Variants in SLC17A3 observed in about 807,000 individuals in gnomAD.
SLC17A3 encodes solute carrier family 17 member 3, also known as sodium-dependent phosphate transport protein 4.
A neutral mutation model predicts 60.3 loss-of-function variants in SLC17A3; 61 were observed. The observed-to-expected ratio is 1.01, with a 90% CI of 0.82 to 1.25. The LOEUF is 1.25. SLC17A3 is among the 50% of genes most tolerant of loss of function. SLC17A3 has a pLI of 0.00. For missense variants in SLC17A3, 624 were observed against 594.9 expected, an observed-to-expected ratio of 1.05 and a Z score of -0.51; for synonymous variants, 192 against 208.9, an observed-to-expected ratio of 0.92 and a Z score of 0.70.
At chr6:25,858,591 A>G (rs1765397419) in intron 5 of SLC17A3, among the ~76,000 whole-genome samples, 1 of 151,858 alleles carries the variant, frequency 6.6e-6, no homozygotes, top group Admixed American at 6.6e-5. Flanking sequence ...CCTCACAGCT[A>G]TTCCCTTGAT....
intron 6 of SLC17A3, among the ~76,000 whole-genome samples, chr6:25,854,755 C>A (rs535091002): frequency 8.8e-4 from 134 of 152,164 alleles, no homozygotes; most frequent in African/African-American, 3.0e-3. Flanking sequence ...ACTCAGGATG[C>A]CTTGCTCCTG....
Position 25,850,855 on chromosome 6 carries a change from G to T in SLC17A3, c.735C>A (p.Cys245Ter), listed in dbSNP as rs776333179. The stretch of plus-strand genomic sequence containing the variant: ...CATAAATCACAACAAACCAGAGAAG[G>T]CAGCAGACACAGCCAACACCTCCTG... ...YIFGGVGCVC[C>*]LLWFVVIYDD... The change falls in exon 7 of 13, where the codon TGC becomes TGA. Residue 245 changes from cysteine (C) to a stop codon, truncating the protein, a stop_gained. Coordinates refer to ENST00000397060, the MANE Select transcript of SLC17A3 (RefSeq NM_001098486.2). LOFTEE classifies it high-confidence loss of function. 6.2e-7 allele frequency: 1 copy of T among 1,614,026 alleles called. No homozygotes were observed. The highest frequency in any genetic ancestry group is 1.1e-5 in the South Asian group (1 of 91,078).
At chr6:25,864,912 A>G (rs1312943218) in intron 2 of SLC17A3, among the ~76,000 whole-genome samples, 1 of 151,964 alleles carries the variant, frequency 6.6e-6, no homozygotes, top group East Asian at 1.9e-4. Flanking sequence ...TGGGGGAGGA[A>G]CAAACAAAGG....
chr6:25,868,088 T>A (rs1347004672), intron 2 of SLC17A3, among the ~76,000 whole-genome samples: 1 of 151,978 alleles, frequency 6.6e-6, no homozygotes, highest in African/African-American at 2.4e-5. Flanking sequence ...AAAGATTGGA[T>A]AGATACAGAT....
chr6:25,863,258 A>G (rs1765481798), intron 2 of SLC17A3, among the ~76,000 whole-genome samples: 2 of 152,140 alleles, frequency 1.3e-5, no homozygotes, highest in Admixed American at 6.6e-5. Flanking sequence ...GGAAAGAATC[A>G]GATGAGATTG....
chr6:25,860,271 AT>A (rs1316628402), intron 5 of SLC17A3, among the ~76,000 whole-genome samples: 3 of 151,260 alleles, frequency 2.0e-5, no homozygotes, highest in African/African-American at 7.3e-5. Context: ...CCTATCTACA[AT>A]AGGTGCACCT....
chr6:25,850,858 G>A lies in SLC17A3; in HGVS notation c.732C>T (p.Cys244=). The change falls in exon 7 of 13, where the codon TGC becomes TGT. Residue 244 remains cysteine, a synonymous_variant. Coordinates refer to ENST00000397060, the MANE Select transcript of SLC17A3 (RefSeq NM_001098486.2). The stretch of plus-strand genomic sequence containing the variant: ...AAATCACAACAAACCAGAGAAGGCA[G>A]CAGACACAGCCAACACCTCCTGTAA... The part of the protein sequence containing the change: ...FYIFGGVGCV[C]CLLWFVVIYD... 6.2e-7 allele frequency: 1 copy of A among 1,614,040 alleles called. No individual in the cohort carries two copies. Among genetic ancestry groups the A allele is most frequent in the Non-Finnish European group, 8.5e-7 (1 of 1,179,918 alleles).
Position 25,845,408 on chromosome 6 carries a change from T to C in SLC17A3, c.1471A>G (p.Lys491Glu). The C allele has an allele frequency of 6.2e-7, 1 of 1,614,064 alleles. No homozygotes were observed. The highest frequency in any genetic ancestry group is 8.5e-7 in the Non-Finnish European group (1 of 1,179,958). The change falls in exon 12 of 13, where the codon AAA (lysine) becomes GAA (glutamate). Residue 491 changes from lysine (K) to glutamate (E), a missense_variant. Transcript: ENST00000397060. ...FGEADVQEWA[K>E]ERKLTRL ...CATAAACGAGTGAGTTTTCTCTCTT[T>C]AGCCCATTCTTGGACATCTGCTTCT... is the stretch of plus-strand genomic sequence containing the variant.
intron 1 of SLC17A3, among the ~76,000 whole-genome samples, chr6:25,870,729 C>T (rs1765627783): frequency 6.6e-6 from 1 of 152,024 alleles, no homozygotes; most frequent in East Asian, 1.9e-4. Flanking sequence ...ACAACATGGA[C>T]TCATGACTGC....
At chr6:25,864,117 T>C (rs1452175673) in intron 2 of SLC17A3, among the ~76,000 whole-genome samples, 1 of 151,986 alleles carries the variant, frequency 6.6e-6, no homozygotes, top group African/African-American at 2.4e-5. Flanking sequence ...GGAACACCCC[T>C]GGAGCTGGTT....
intron 2 of SLC17A3, among the ~76,000 whole-genome samples, chr6:25,865,269 T>C (rs1765516517): frequency 6.6e-6 from 1 of 151,922 alleles, no homozygotes; most frequent in East Asian, 1.9e-4. Context: ...CACCCAGCTG[T>C]AGGGTTTATG....
At chr6:25,851,858 AG>A (rs890155396) in intron 6 of SLC17A3, among the ~76,000 whole-genome samples, 1 of 152,134 alleles carries the variant, frequency 6.6e-6, no homozygotes, top group African/African-American at 2.4e-5. Context: ...TTATTTTCAA[AG>A]GTGTTTGGCT....
intron 1 of SLC17A3, among the ~76,000 whole-genome samples, chr6:25,871,312 A>G (rs1765636520): frequency 6.6e-6 from 1 of 152,034 alleles, no homozygotes; most frequent in Non-Finnish European, 1.5e-5. Flanking sequence ...TGCAGCCATA[A>G]AAAATGATGA....
intron 1 of SLC17A3, among the ~76,000 whole-genome samples, chr6:25,870,053 A>G (rs561081645): frequency 2.6e-4 from 39 of 152,082 alleles, no homozygotes; most frequent in Admixed American, 1.9e-3. Context: ...GTTTTTTGAC[A>G]TTACAAATAA....
rs549907646 is a variant in SLC17A3, at chr6:25,868,402, C to T, written c.-15G>A. 1.4e-5 allele frequency: 22 copies of T among 1,605,042 alleles called. No homozygotes were observed. Among genetic ancestry groups the T allele is most frequent in the Middle Eastern group, 3.3e-4 (2 of 6,020 alleles). On this transcript the variant is annotated 5_prime_UTR_variant, in exon 2 of 13. Coordinates refer to ENST00000397060, the MANE Select transcript of SLC17A3 (RefSeq NM_001098486.2). ...TTGGTGGCCATTGTGTTTCTCCTCT[C>T]CTAGTGAATGGTTTTCACCTATCAG...
intron 2 of SLC17A3, among the ~76,000 whole-genome samples, chr6:25,868,060 A>G (rs562241657): frequency 6.6e-6 from 1 of 152,030 alleles, no homozygotes; most frequent in Non-Finnish European, 1.5e-5. Flanking sequence ...ACAATTCAGT[A>G]GCAATTATCA....
intron 11 of SLC17A3, among the ~76,000 whole-genome samples, chr6:25,847,443 G>A (rs1450032927): frequency 6.6e-6 from 1 of 152,168 alleles, no homozygotes; most frequent in East Asian, 1.9e-4. Context: ...TGGAATTGCT[G>A]CGTAGAATGG....
intron 8 of SLC17A3, 88 bp downstream of exon 8, chr6:25,850,371 T>A: frequency 6.9e-7 from 1 of 1,453,902 alleles, no homozygotes; most frequent in Non-Finnish European, 9.6e-7. Context: ...TAATAAGAAA[T>A]ACATTTCTCA....
At position 25,846,994 on chromosome 6, in the gene SLC17A3, G is replaced by A. The variant is rs555806925; in HGVS notation, c.1363-1478C>T. 3.9e-5 allele frequency among the ~76,000 whole-genome samples: 6 copies of A among 152,232 alleles called. No homozygotes were observed. The South Asian group carries it at 1.0e-3, about 26-fold the overall frequency. On this transcript the variant is annotated intron_variant, in intron 11 of 12. Transcript: ENST00000397060. Reference sequence around the variant, plus strand: ...ATATAGGTAAACTCATGTAATGGGAGTTTGTTGTACAGATATTTCATCACC... The same window carrying A: ...ATATAGGTAAACTCATGTAATGGGAATTTGTTGTACAGATATTTCATCACC...
Sources: gnomAD v4.1 joint callset for allele counts (sites outside exome capture counted in the v4.1 genomes callset) on GRCh38, gnomAD v4.1.1 for gene constraint, MANE v1.5 for transcripts, NCBI Gene and HGNC (gene_info 2026-07-23, HGNC 2026-07-21) for gene names.